Variants in LRP1 observed in about 807,000 individuals in gnomAD.
The protein encoded by LRP1 is prolow-density lipoprotein receptor-related protein 1.
LRP1 carries 51 observed loss-of-function variants against 541.5 expected under a neutral mutation model. The observed-to-expected ratio is 0.09, with a 90% CI of 0.08 to 0.12. The LOEUF is 0.12. LRP1 is among the 10% of genes least tolerant of loss of function. The pLI is 1.00. For synonymous variants in LRP1, 2,219 were observed against 2,470.8 expected (o/e 0.90, Z 3.02); for missense variants, 3,878 against 6,376.2 (o/e 0.61, Z 13.34).
Position 57,202,543 on chromosome 12 carries a change from T to TGGCCCCCCCCC in LRP1, c.10711+6_10711+7insGGCCCCCCCCC. 1 of 1,523,634 alleles carries TGGCCCCCCCCC rather than the reference T, an allele frequency of 6.6e-7. No homozygotes were observed. The allele number at this position is 1,523,634 out of a possible 1,614,324, so 94.4% of individuals were successfully genotyped here. On this transcript the variant is annotated splice_region_variant and intron_variant, in intron 68 of 88. Transcript: ENST00000243077. ...CTCCGATGAAGAGAGCTGCAGTACGTCCCCACCCACCCAGCCCCGCATGAG... is the reference window on the plus strand; with the variant it reads ...CTCCGATGAAGAGAGCTGCAGTACGTGGCCCCCCCCCCCCCACCCACCCAGCCCCGCATGAG...
chr12:57,183,795 G>A lies in LRP1; in HGVS notation c.5815G>A (p.Val1939Met). The change falls in exon 36 of 89, where the codon GTG becomes ATG. Residue 1939 changes from valine to methionine, a missense_variant. Physicochemically the swap from Val to Met is conservative, Grantham distance 21 (BLOSUM62 1). This residue lies in a region of LRP1 where 394 missense variants were observed against 635.9 expected (regional missense o/e 0.62). Transcript: ENST00000243077. The surrounding 1 kb of genome is among the most constrained non-coding windows in gnomAD (Gnocchi z 6.1). ...TCCAGAAAATGACACCATCTACTGG[G>A]TGGACATGGGCCTGAGCACGATCAG... is the stretch of plus-strand genomic sequence containing the variant. ...FHAENDTIYWVDMGLSTISRA... is the reference protein window; with the variant it reads ...FHAENDTIYWMDMGLSTISRA... 1 of 1,614,066 alleles carries A rather than the reference G, an allele frequency of 6.2e-7. No individual in the cohort carries two copies. The highest frequency in any genetic ancestry group is 1.1e-5 in the South Asian group (1 of 91,086).
chr12:57,171,317 G>A (rs1280621806), intron 20 of LRP1, among the ~76,000 whole-genome samples: 1 of 152,196 alleles, frequency 6.6e-6, no homozygotes, highest in African/African-American at 2.4e-5. Context: ...CATTCAGGAG[G>A]AGTTGTGTTT....
rs1397306790 is a variant in LRP1, at chr12:57,189,719, G to A, written c.7032-1086G>A. ...GTAGGAGGAGGCCAGAGGCACTGGG[G>A]TGGGGGCGGGGGCAGGTCCTGTTAG... On this transcript the variant is annotated intron_variant, in intron 42 of 88. Coordinates refer to ENST00000243077, the MANE Select transcript of LRP1 (RefSeq NM_002332.3). This position sits in a 1 kb window ranked among gnomAD's most constrained non-coding sequence, Gnocchi z 4.4. Among the ~76,000 whole-genome samples the A allele has an allele frequency of 6.6e-6, 1 of 152,030 alleles. No individual in the cohort carries two copies. Among genetic ancestry groups the A allele is most frequent in the Non-Finnish European group, 1.5e-5 (1 of 67,998 alleles).
chr12:57,136,369 C>T (rs954451732), intron 1 of LRP1, among the ~76,000 whole-genome samples: 5 of 150,662 alleles, frequency 3.3e-5, no homozygotes, highest in African/African-American at 7.3e-5. Flanking sequence ...CAGTGAGGCT[C>T]CCATCAGACT....
chr12:57,208,361 C>A, intron 77 of LRP1, 145 bp downstream of exon 77: 2 of 872,506 alleles, frequency 2.3e-6, no homozygotes, highest in Non-Finnish European at 3.4e-6. Context: ...GTCTTCTCGG[C>A]CACCCCTGCC....
At chr12:57,202,818 G>A (rs1299997959) in intron 68 of LRP1, 2 of 579,196 alleles carry the variant, frequency 3.5e-6, no homozygotes, top group Admixed American at 3.0e-5. Flanking sequence ...CTGTCCCAGA[G>A]CCCCCCATCC....
chr12:57,175,759 A>C (rs1379852081), intron 23 of LRP1, 54 bp downstream of exon 23: 9 of 1,551,228 alleles, frequency 5.8e-6, no homozygotes, highest in Non-Finnish European at 3.5e-6. Context: ...TCTGAGCTGC[A>C]GTGGGTTGGG....
At chr12:57,130,018 T>G (rs1037376302) in intron 1 of LRP1, among the ~76,000 whole-genome samples, 7 of 152,176 alleles carry the variant, frequency 4.6e-5, no homozygotes, top group Admixed American at 2.0e-4. Flanking sequence ...TGCATCCTTT[T>G]GGGGAAATGG....
intron 2 of LRP1, among the ~76,000 whole-genome samples, chr12:57,139,925 C>T (rs1165784421): frequency 1.3e-5 from 2 of 152,222 alleles, no homozygotes; most frequent in African/African-American, 4.8e-5. Flanking sequence ...GCATGCTATA[C>T]AGCCACACCA....
intron 1 of LRP1, among the ~76,000 whole-genome samples, chr12:57,134,061 A>G (rs527621068): frequency 1.3e-5 from 2 of 152,200 alleles, no homozygotes; most frequent in East Asian, 3.9e-4. Flanking sequence ...ACGCACACCC[A>G]ACTCTACACC....
intron 32 of LRP1, 58 bp from the exon 33 acceptor site, chr12:57,180,609 T>G: frequency 1.2e-6 from 2 of 1,610,708 alleles, no homozygotes; most frequent in Non-Finnish European, 1.7e-6. Context: ...CAATGGGCCC[T>G]TCAGGAGAGC....
intron 20 of LRP1, among the ~76,000 whole-genome samples, chr12:57,172,326 C>T (rs971782625): frequency 3.9e-5 from 6 of 152,092 alleles, no homozygotes; most frequent in Admixed American, 1.3e-4. Context: ...CCTGCCACCA[C>T]GCCTGGCTAA....
rs144836356 is a variant in LRP1, at chr12:57,156,883, C to T, written c.1524C>T (p.Ser508=). Residue 508 remains serine (S), a synonymous_variant, in exon 10 of 89, where the codon TCC becomes TCT. Transcript: ENST00000243077. The surrounding 1 kb of genome is among the most constrained non-coding windows in gnomAD (Gnocchi z 5.2). The stretch of plus-strand genomic sequence containing the variant: ...AGGCGCGGACCTGCCGCTGCCGTTC[C>T]GGCTTCAGCCTGGGCAGTGACGGGA... ...SHKARTCRCR[S]GFSLGSDGKS... 3.3e-4 allele frequency: 524 copies of T among 1,593,826 alleles called. No individual in the cohort carries two copies. Among genetic ancestry groups the T allele is most frequent in the Non-Finnish European group, 4.2e-4 (489 of 1,170,492 alleles).
At chr12:57,191,214 G>A (rs755845344) in intron 43 of LRP1, 106 bp from the exon 44 acceptor site, 108 of 1,213,258 alleles carry the variant, frequency 8.9e-5, no homozygotes, top group South Asian at 1.2e-4. Context: ...ATGCCTCTGC[G>A]GGCCCTCATT....
intron 60 of LRP1, 119 bp from the exon 61 acceptor site, chr12:57,199,093 T>C: frequency 1.1e-6 from 1 of 901,896 alleles, no homozygotes; most frequent in South Asian, 1.5e-5. Context: ...ATGAACCATC[T>C]GTAACTGGGG....
At chr12:57,207,274 A>AT (rs1471912112) in intron 76 of LRP1, among the ~76,000 whole-genome samples, 9 of 139,796 alleles carry the variant, frequency 6.4e-5, no homozygotes, top group Non-Finnish European at 1.1e-4. Flanking sequence ...AAATAAATAA[A>AT]TAAATAAATA....
Position 57,205,263 on chromosome 12 carries a change from G to A in LRP1, c.11335+14G>A. ...ACTGCAGCATCGGTGAGGCCCGGCAGCGGACCGGACGCTGGTGGGGAGTGG... is the reference window on the plus strand; with the variant it reads ...ACTGCAGCATCGGTGAGGCCCGGCAACGGACCGGACGCTGGTGGGGAGTGG... On this transcript the variant is annotated intron_variant, in intron 73 of 88. Coordinates refer to ENST00000243077, the MANE Select transcript of LRP1 (RefSeq NM_002332.3). This position sits in a 1 kb window ranked among gnomAD's most constrained non-coding sequence, Gnocchi z 4.6. The A allele has an allele frequency of 6.2e-7, 1 of 1,606,600 alleles. No homozygotes were observed. Among genetic ancestry groups the A allele is most frequent in the Non-Finnish European group, 8.5e-7 (1 of 1,175,080 alleles).
At chr12:57,152,463 G>A (rs773485206) in intron 6 of LRP1, among the ~76,000 whole-genome samples, 1 of 152,164 alleles carries the variant, frequency 6.6e-6, no homozygotes, top group Admixed American at 6.5e-5. Context: ...ATGCAGGCAG[G>A]TCCCTGCTTT....
At chr12:57,143,624 C>G in intron 3 of LRP1, 55 bp from the exon 4 acceptor site, 1 of 1,583,350 alleles carries the variant, frequency 6.3e-7, no homozygotes, top group Non-Finnish European at 8.6e-7. Context: ...TTGTGGCCTG[C>G]GTGGAGCTGC....
Sources: gnomAD v4.1 joint callset for allele counts (sites outside exome capture counted in the v4.1 genomes callset) on GRCh38, gnomAD v4.1.1 for gene constraint, gnomAD v4.1.1 regional missense constraint, Gnocchi (gnomAD v3.1) non-coding constraint, MANE v1.5 for transcripts, NCBI Gene and HGNC (gene_info 2026-07-23, HGNC 2026-07-21) for gene names.